The following VTI1A variants were observed in gnomAD, a reference collection of about 807,000 sequenced individuals.
VTI1A encodes vesicle transport through interaction with t-SNAREs 1A.
In VTI1A, 22 loss-of-function variants were observed where a neutral mutation model predicts 34.9. The ratio of observed to expected loss-of-function variants is 0.63; its 90% CI spans 0.45 to 0.90. VTI1A has a LOEUF of 0.90. Among genes scored for constraint, VTI1A ranks in the 40% least tolerant of loss-of-function variants. The pLI is 0.00. For synonymous variants in VTI1A, 87 were observed against 97.3 expected (o/e 0.89, Z 0.62); for missense variants, 268 against 275.6 (o/e 0.97, Z 0.20).
At chr10:112,569,338 G>A (rs1260422879) in intron 5 of VTI1A, among the ~76,000 whole-genome samples, 1 of 152,052 alleles carries the variant, frequency 6.6e-6, no homozygotes. Flanking sequence ...TTCCCATTTT[G>A]CAAATAAGTA....
At chr10:112,769,636 TG>T (rs1182785386) in intron 7 of VTI1A, among the ~76,000 whole-genome samples, 1 of 152,154 alleles carries the variant, frequency 6.6e-6, no homozygotes, top group African/African-American at 2.4e-5. Flanking sequence ...GGTTCTGTTC[TG>T]GGTGTGGTAT....
At chr10:112,500,951 G>C (rs1849213449) in intron 3 of VTI1A, among the ~76,000 whole-genome samples, 1 of 152,104 alleles carries the variant, frequency 6.6e-6, no homozygotes, top group Non-Finnish European at 1.5e-5. Flanking sequence ...CTTCTTCTTT[G>C]TAAAGCTGTT....
chr10:112,571,146 A>G (rs1028872089), intron 5 of VTI1A, among the ~76,000 whole-genome samples: 1 of 152,216 alleles, frequency 6.6e-6, no homozygotes, highest in African/African-American at 2.4e-5. Flanking sequence ...GAGTGATTAA[A>G]TGACTTATTC....
intron 7 of VTI1A, among the ~76,000 whole-genome samples, chr10:112,692,773 C>T (rs930119705): frequency 6.6e-6 from 1 of 152,316 alleles, no homozygotes; most frequent in Non-Finnish European, 1.5e-5. Context: ...TAATCATCTG[C>T]GTGTTGCCTA....
chr10:112,790,175 T>G (rs1332428936), intron 7 of VTI1A, among the ~76,000 whole-genome samples: 1 of 152,192 alleles, frequency 6.6e-6, no homozygotes, highest in Admixed American at 6.5e-5. Context: ...GTTGCCCCTT[T>G]GTGTGCATAG....
At chr10:112,580,923 G>C (rs1589931213) in intron 5 of VTI1A, among the ~76,000 whole-genome samples, 1 of 152,196 alleles carries the variant, frequency 6.6e-6, no homozygotes, top group South Asian at 2.1e-4. Context: ...CTTCTTAGAG[G>C]GCAGTGTATA....
At chr10:112,556,098 T>G (rs1851533641) in intron 5 of VTI1A, among the ~76,000 whole-genome samples, 1 of 152,018 alleles carries the variant, frequency 6.6e-6, no homozygotes, top group African/African-American at 2.4e-5. Context: ...TGTTTTGCTT[T>G]TCTGTGTATA....
At chr10:112,677,463 T>C (rs1000224545) in intron 7 of VTI1A, among the ~76,000 whole-genome samples, 2 of 152,200 alleles carry the variant, frequency 1.3e-5, no homozygotes, top group African/African-American at 4.8e-5. Context: ...TCTAGATTTT[T>C]TGTATCCTCC....
rs1849173304 is a variant in VTI1A at position 112,705,749 on chromosome 10, A to G, written c.560+36751A>G. Among the ~76,000 whole-genome samples the G allele has an allele frequency of 2.6e-5, 4 of 152,138 alleles. No individual in the cohort carries two copies. The South Asian group carries it at 8.3e-4, about 32-fold the overall frequency. ...CGTGTGGACTGAGTCAATGCACAGT[A>G]CTCCCAGAGATGCATAAAGGAGGGG... On this transcript the variant is annotated intron_variant, in intron 7 of 7. Transcript: ENST00000393077.
rs570660442 is a variant in VTI1A, at chr10:112,609,018, A to G, written c.428-59200A>G. Among the ~76,000 whole-genome samples the G allele has an allele frequency of 5.3e-5, 8 of 152,312 alleles. No homozygotes were observed. The South Asian group carries it at 1.7e-3, about 32-fold the overall frequency. ...TTTAACAAAATGTATACTAGTAAAAATGAAGTTGGAAATCGAAATCTATAG... is the reference window on the plus strand; with the variant it reads ...TTTAACAAAATGTATACTAGTAAAAGTGAAGTTGGAAATCGAAATCTATAG... On this transcript the variant is annotated intron_variant, in intron 5 of 7. Coordinates refer to ENST00000393077, the MANE Select transcript of VTI1A (RefSeq NM_145206.4).
intron 5 of VTI1A, among the ~76,000 whole-genome samples, chr10:112,578,512 C>T (rs1265898054): frequency 6.6e-6 from 1 of 152,116 alleles, no homozygotes; most frequent in African/African-American, 2.4e-5. Context: ...GCCAGTCAAA[C>T]CTCTGGGATT....
chr10:112,464,145 C>CCCA (rs1313173719), intron 2 of VTI1A, among the ~76,000 whole-genome samples: 1 of 152,118 alleles, frequency 6.6e-6, no homozygotes, highest in Non-Finnish European at 1.5e-5. Flanking sequence ...ATTACAGGTG[C>CCCA]CCACCACCAC....
At chr10:112,787,860 C>T (rs1317234994) in intron 7 of VTI1A, among the ~76,000 whole-genome samples, 5 of 151,226 alleles carry the variant, frequency 3.3e-5, no homozygotes, top group Non-Finnish European at 7.4e-5. Flanking sequence ...TGACACCACA[C>T]CCAGCTAATT....
chr10:112,656,089 G>A (rs1382399697), intron 5 of VTI1A, among the ~76,000 whole-genome samples: 1 of 152,208 alleles, frequency 6.6e-6, no homozygotes, highest in African/African-American at 2.4e-5. Flanking sequence ...AGTTTCTGTT[G>A]TCAATTGAGA....
At chr10:112,609,368 C>T (rs891558152) in intron 5 of VTI1A, among the ~76,000 whole-genome samples, 1 of 152,122 alleles carries the variant, frequency 6.6e-6, no homozygotes, top group Non-Finnish European at 1.5e-5. Flanking sequence ...TGAAAAACTT[C>T]TTTTGGGTAG....
intron 5 of VTI1A, among the ~76,000 whole-genome samples, chr10:112,611,242 C>T (rs921212007): frequency 2.0e-5 from 3 of 152,152 alleles, no homozygotes; most frequent in Non-Finnish European, 4.4e-5. Flanking sequence ...GATTTCTTGT[C>T]TCATTGGACC....
intron 7 of VTI1A, among the ~76,000 whole-genome samples, chr10:112,811,441 TC>T (rs370777861): frequency 1.3e-5 from 2 of 152,084 alleles, no homozygotes; most frequent in East Asian, 3.9e-4. Flanking sequence ...ACGCCTGTAA[TC>T]CCAGCACTTT....
At chr10:112,629,377 G>A (rs541615937) in intron 5 of VTI1A, among the ~76,000 whole-genome samples, 20 of 152,288 alleles carry the variant, frequency 1.3e-4, no homozygotes, top group African/African-American at 2.2e-4. Flanking sequence ...TCCTATCGCC[G>A]TCATTCTTCC....
At chr10:112,760,907 A>C (rs1851441410) in intron 7 of VTI1A, among the ~76,000 whole-genome samples, 1 of 148,354 alleles carries the variant, frequency 6.7e-6, no homozygotes, top group East Asian at 2.0e-4. Flanking sequence ...AAAAAAAAAA[A>C]ACCAAAAAGT....
Sources: gnomAD v4.1 joint callset for allele counts (sites outside exome capture counted in the v4.1 genomes callset) on GRCh38, gnomAD v4.1.1 for gene constraint, MANE v1.5 for transcripts, NCBI Gene and HGNC (gene_info 2026-07-23, HGNC 2026-07-21) for gene names.